The following TMOD2 variants were observed in gnomAD, a reference collection of about 807,000 sequenced individuals.
TMOD2 encodes the protein tropomodulin 2.
In TMOD2, 22 loss-of-function variants were observed where a neutral mutation model predicts 39.9. That is an observed-to-expected ratio of 0.55 (90% CI 0.39 to 0.79). The LOEUF is 0.79. TMOD2 is among the 30% of genes least tolerant of loss of function. The pLI, the probability that TMOD2 is intolerant of heterozygous loss-of-function variation, is 0.00. For missense variants in TMOD2, 386 were observed against 413.3 expected, an observed-to-expected ratio of 0.93 and a Z score of 0.57; for synonymous variants, 123 against 146.1, an observed-to-expected ratio of 0.84 and a Z score of 1.14.
chr15:51,771,428 C>G (rs1353565327), intron 3 of TMOD2, among the ~76,000 whole-genome samples: 1 of 152,202 alleles, frequency 6.6e-6, no homozygotes, highest in African/African-American at 2.4e-5. Context: ...TTTGGTTGGA[C>G]CTCCAGGAAT....
At chr15:51,797,288 T>C (rs548693191) in intron 7 of TMOD2, among the ~76,000 whole-genome samples, 2 of 152,292 alleles carry the variant, frequency 1.3e-5, no homozygotes, top group East Asian at 3.9e-4. Flanking sequence ...AGGCTCTTCC[T>C]GGGAGACTTC....
At chr15:51,805,975 A>C (rs2056119075) in intron 8 of TMOD2, among the ~76,000 whole-genome samples, 1 of 152,228 alleles carries the variant, frequency 6.6e-6, no homozygotes, top group African/African-American at 2.4e-5. Context: ...TAAAATAAAA[A>C]TTTAGTAATT....
At chr15:51,778,388 A>G (rs2055904401) in intron 5 of TMOD2, among the ~76,000 whole-genome samples, 1 of 150,108 alleles carries the variant, frequency 6.7e-6, no homozygotes, top group African/African-American at 2.4e-5. Context: ...CTAATGCTAA[A>G]TGACGAGTTA....
rs1435482125 is a variant in TMOD2 at position 51,815,104 on chromosome 15, A to G, written c.*6650A>G. 6.6e-6 allele frequency: 1 copy of G among 152,254 alleles called. No homozygotes were observed. Among genetic ancestry groups the G allele is most frequent in the Non-Finnish European group, 1.5e-5 (1 of 68,106 alleles). 9.4% of individuals were successfully genotyped at this position (152,254 alleles called of 1,614,324 possible). The stretch of plus-strand genomic sequence containing the variant: ...TGGTGAAACCCCGTCTCTACTAAAA[A>G]TACAGAAATTAGCTGGGCCCTGTGG... On this transcript the variant is annotated 3_prime_UTR_variant, in exon 10 of 10. Coordinates refer to ENST00000249700, the MANE Select transcript of TMOD2 (RefSeq NM_014548.4).
intron 1 of TMOD2, 22 bp from the exon 2 acceptor site, chr15:51,766,351 T>G: frequency 8.0e-7 from 1 of 1,244,186 alleles, no homozygotes; most frequent in African/African-American, 1.5e-5. Flanking sequence ...TCTTTTTTAT[T>G]GTGTTTCTTT....
rs1003735171 is a variant in TMOD2, at chr15:51,814,520, G to A, written c.*6066G>A. 6.6e-6 allele frequency: 1 copy of A among 152,226 alleles called. No individual in the cohort carries two copies. The highest frequency in any genetic ancestry group is 6.5e-5 in the Admixed American group (1 of 15,288). 9.4% of individuals were successfully genotyped at this position (152,226 alleles called of 1,614,324 possible). ...ATCTTTGTATCTTCAGTACCATCTTGTAAGGTGCCTTGTACATAGTAGGTG... is the reference window on the plus strand; with the variant it reads ...ATCTTTGTATCTTCAGTACCATCTTATAAGGTGCCTTGTACATAGTAGGTG... On this transcript the variant is annotated 3_prime_UTR_variant, in exon 10 of 10. Coordinates refer to ENST00000249700, the MANE Select transcript of TMOD2 (RefSeq NM_014548.4).
chr15:51,782,397 T>G (rs1017035499), intron 6 of TMOD2, among the ~76,000 whole-genome samples: 1 of 152,176 alleles, frequency 6.6e-6, no homozygotes, highest in Non-Finnish European at 1.5e-5. Context: ...ATTAAAACAG[T>G]GGCAAATACG....
chr15:51,765,680 GAGA>G (rs2055811678), intron 1 of TMOD2, among the ~76,000 whole-genome samples: 1 of 152,168 alleles, frequency 6.6e-6, no homozygotes, highest in Non-Finnish European at 1.5e-5. Context: ...TAAGGGTCGA[GAGA>G]AGAACGGTCT....
intron 5 of TMOD2, among the ~76,000 whole-genome samples, chr15:51,779,298 G>T (rs1005019625): frequency 1.3e-5 from 2 of 152,066 alleles, no homozygotes. Flanking sequence ...ACGTTTATAC[G>T]TACACATACA....
intron 4 of TMOD2, among the ~76,000 whole-genome samples, chr15:51,775,570 C>CTTTTTTTTTTTTT (rs869308022): frequency 1.2e-5 from 1 of 81,210 alleles, no homozygotes; most frequent in Non-Finnish European, 2.1e-5. Context: ...ATTCTTTTTC[C>CTTTTTTTTTTTTT]TTTTTTTTTT....
chr15:51,801,288 GTCTCTCTCTC>G lies in TMOD2; in HGVS notation c.876+2966_876+2975del, dbSNP rs72529496. On this transcript the variant is annotated intron_variant, in intron 8 of 9. Transcript: ENST00000249700. ...ACACACACACACACACACACACCCT[GTCTCTCTCTC>G]TCTCTCTCTCTCTCTCTAAGAAAAG... is the stretch of plus-strand genomic sequence containing the variant. 5.4e-5 allele frequency among the ~76,000 whole-genome samples: 6 copies of G among 111,728 alleles called. No individual in the cohort carries two copies. The South Asian group carries it at 1.3e-3, about 24-fold the overall frequency. The allele number at this position is 111,728 out of a possible 152,430, so 73.3% of individuals were successfully genotyped here.
intron 7 of TMOD2, among the ~76,000 whole-genome samples, chr15:51,796,769 G>T (rs1450654265): frequency 1.3e-5 from 2 of 152,182 alleles, no homozygotes; most frequent in Non-Finnish European, 2.9e-5. Context: ...ATGATGACAT[G>T]AGATGGTAAA....
At chr15:51,767,841 G>A (rs2055826080) in intron 2 of TMOD2, among the ~76,000 whole-genome samples, 1 of 152,202 alleles carries the variant, frequency 6.6e-6, no homozygotes, top group African/African-American at 2.4e-5. Flanking sequence ...CATCATCATA[G>A]TGTTTACTTA....
chr15:51,763,441 T>A (rs926946196), intron 1 of TMOD2, among the ~76,000 whole-genome samples: 2 of 152,216 alleles, frequency 1.3e-5, no homozygotes, highest in Admixed American at 1.3e-4. Context: ...ACATTTTAGA[T>A]CACTATTTTA....
intron 7 of TMOD2, among the ~76,000 whole-genome samples, chr15:51,790,337 C>G (rs1317032671): frequency 6.6e-6 from 1 of 152,168 alleles, no homozygotes; most frequent in Non-Finnish European, 1.5e-5. Context: ...AGACCAATAA[C>G]AGGTCCTGAA....
intron 1 of TMOD2, among the ~76,000 whole-genome samples, chr15:51,755,270 T>C (rs1407172636): frequency 6.6e-6 from 1 of 152,228 alleles, no homozygotes; most frequent in Non-Finnish European, 1.5e-5. Context: ...CAAAGCCATT[T>C]TGAGTTCCTT....
intron 7 of TMOD2, among the ~76,000 whole-genome samples, chr15:51,789,717 G>T (rs2055996648): frequency 6.6e-6 from 1 of 152,132 alleles, no homozygotes; most frequent in South Asian, 2.1e-4. Context: ...ACTCAAAACT[G>T]CACAACTACG....
Position 51,793,281 on chromosome 15 carries a change from C to T in TMOD2, c.733-4916C>T, listed in dbSNP as rs566452385. Among the ~76,000 whole-genome samples the T allele has an allele frequency of 1.1e-4, 16 of 152,226 alleles. No individual in the cohort carries two copies. The East Asian group carries it at 2.9e-3, about 28-fold the overall frequency. On this transcript the variant is annotated intron_variant, in intron 7 of 9. Transcript: ENST00000249700. ...TAAATTCCAAAAATGGAAAGTGGAA[C>T]CATCGTAAGTCAGGGACTCTCTGTA...
At chr15:51,803,898 G>A (rs1041355890) in intron 8 of TMOD2, among the ~76,000 whole-genome samples, 8 of 152,162 alleles carry the variant, frequency 5.3e-5, no homozygotes, top group Non-Finnish European at 1.5e-5. Flanking sequence ...AATTAAGGCA[G>A]TAAATAAATA....
Sources: allele counts gnomAD v4.1 joint callset (sites outside exome capture counted in the v4.1 genomes callset), GRCh38; gene constraint gnomAD v4.1.1; transcripts MANE v1.5; gene names NCBI Gene and HGNC (gene_info 2026-07-23, HGNC 2026-07-21).